Variants in ZNF438 observed in about 807,000 individuals in gnomAD.
ZNF438 encodes zinc finger protein 438.
In ZNF438, 25 loss-of-function variants were observed where a neutral mutation model predicts 38.0. That is an observed-to-expected ratio of 0.66 (90% CI 0.48 to 0.92). The LOEUF (loss-of-function observed/expected upper bound fraction) is 0.92, where lower values mean the gene tolerates loss of function less well. ZNF438 is among the 40% of genes least tolerant of loss of function. The pLI is 0.00. For missense variants in ZNF438, 1,007 were observed against 999.6 expected (o/e 1.01, Z -0.10); for synonymous variants, 372 against 364.1 (o/e 1.02, Z -0.25).
intron 3 of ZNF438, among the ~76,000 whole-genome samples, chr10:30,878,432 C>T (rs1256624133): frequency 1.3e-5 from 2 of 152,046 alleles, no homozygotes; most frequent in Non-Finnish European, 2.9e-5. Context: ...CCATCCCATC[C>T]CCCTTTCCAG....
At chr10:30,958,953 A>G (rs2049167002) in intron 1 of ZNF438, among the ~76,000 whole-genome samples, 1 of 146,918 alleles carries the variant, frequency 6.8e-6, no homozygotes, top group African/African-American at 2.4e-5. Flanking sequence ...TTGTTTATCC[A>G]TTTACCAGGT....
chr10:31,002,508 A>G (rs567791383), intron 1 of ZNF438, among the ~76,000 whole-genome samples: 1 of 152,310 alleles, frequency 6.6e-6, no homozygotes, highest in South Asian at 2.1e-4. Flanking sequence ...AATCCTTCAC[A>G]AATCTGAATA....
intron 1 of ZNF438, among the ~76,000 whole-genome samples, chr10:31,005,769 T>C (rs1020832179): frequency 3.3e-5 from 5 of 152,168 alleles, no homozygotes; most frequent in Non-Finnish European, 7.4e-5. Flanking sequence ...AATAAAAAAA[T>C]AGGTATTTAC....
In ZNF438 at chr10:30,961,194, A is replaced by C. The variant is rs2049429038; in HGVS notation, c.-191-19543T>G. Among the ~76,000 whole-genome samples the C allele has an allele frequency of 1.4e-5, 2 of 144,418 alleles. 1 individual carries two copies. The highest frequency in any genetic ancestry group is 3.1e-5 in the Non-Finnish European group (2 of 63,744). 94.7% of individuals were successfully genotyped at this position (144,418 alleles called of 152,430 possible). A position where few individuals can be genotyped will look rare whatever the true frequency, so the allele number is the denominator to read the frequency against. On this transcript the variant is annotated intron_variant, in intron 1 of 5. Coordinates refer to ENST00000413025, the Ensembl canonical transcript of ZNF438. ...TTTACATATGTATACATATGTAACT[A>C]ACCTGCACAATGCGCACATGTACCC...
chr10:30,928,960 C>T (rs1392548491), intron 2 of ZNF438, among the ~76,000 whole-genome samples: 10 of 152,168 alleles, frequency 6.6e-5, no homozygotes, highest in Admixed American at 6.5e-4. Flanking sequence ...TTTTGCCCTT[C>T]TGGTACTAAG....
chr10:30,979,297 T>C (rs2051814487), intron 1 of ZNF438, among the ~76,000 whole-genome samples: 1 of 152,218 alleles, frequency 6.6e-6, no homozygotes, highest in African/African-American at 2.4e-5. Context: ...TCCATGCTCA[T>C]GGATAGGAAG....
intron 4 of ZNF438, among the ~76,000 whole-genome samples, chr10:30,872,745 G>T (rs2037678051): frequency 2.1e-5 from 1 of 47,684 alleles, no homozygotes; most frequent in South Asian, 6.9e-4. Flanking sequence ...GTGAGACTCT[G>T]TCTCAAAAAA....
At chr10:30,902,357 T>C (rs2042110393) in intron 3 of ZNF438, among the ~76,000 whole-genome samples, 1 of 119,738 alleles carries the variant, frequency 8.4e-6, no homozygotes, top group African/African-American at 3.6e-5. Context: ...TGTCGATTGG[T>C]GTATTTACAA....
At chr10:30,918,419 A>G (rs1275911950) in intron 2 of ZNF438, among the ~76,000 whole-genome samples, 2 of 152,074 alleles carry the variant, frequency 1.3e-5, no homozygotes, top group Non-Finnish European at 2.9e-5. Context: ...ATTTATTTCT[A>G]TCTTTAATTT....
At chr10:30,903,277 A>G (rs560457574) in intron 3 of ZNF438, among the ~76,000 whole-genome samples, 1 of 152,344 alleles carries the variant, frequency 6.6e-6, no homozygotes, top group South Asian at 2.1e-4. Context: ...GGACTCCTCA[A>G]GCACGGCCAG....
intron 1 of ZNF438, among the ~76,000 whole-genome samples, chr10:31,002,068 T>A (rs1166589154): frequency 6.6e-6 from 1 of 152,218 alleles, no homozygotes; most frequent in Non-Finnish European, 1.5e-5. Flanking sequence ...GCACAGCATG[T>A]TCAGGGAAAG....
intron 1 of ZNF438, among the ~76,000 whole-genome samples, chr10:30,952,456 G>A (rs1460333132): frequency 6.6e-6 from 1 of 152,050 alleles, no homozygotes; most frequent in East Asian, 1.9e-4. Flanking sequence ...CCATCAGAGT[G>A]AACAGGCAAC....
chr10:30,874,101 GGGGTGT>G (rs1366666473), intron 4 of ZNF438, among the ~76,000 whole-genome samples: 151 of 15,074 alleles, frequency 0.01, 2 homozygotes, highest in African/African-American at 0.051. Context: ...TGGGTGTGTG[GGGGTGT>G]GTGTGTGTAT....
chr10:30,922,805 A>T (rs1279498529), intron 2 of ZNF438, among the ~76,000 whole-genome samples: 1 of 152,046 alleles, frequency 6.6e-6, no homozygotes, highest in Non-Finnish European at 1.5e-5. Context: ...ACTGCACTCC[A>T]GCCTGGGCAA....
chr10:30,942,811 T>C (rs776485448), intron 1 of ZNF438, among the ~76,000 whole-genome samples: 34 of 152,208 alleles, frequency 2.2e-4, no homozygotes, highest in Non-Finnish European at 2.4e-4. Context: ...ACTAAGTCAA[T>C]AGAACAGTTT....
chr10:30,895,536 A>T (rs2041215322), intron 3 of ZNF438, among the ~76,000 whole-genome samples: 1 of 152,222 alleles, frequency 6.6e-6, no homozygotes, highest in South Asian at 2.1e-4. Context: ...TAAAACTTCC[A>T]TGTATCAACA....
intron 2 of ZNF438, among the ~76,000 whole-genome samples, chr10:30,930,836 C>CAAAAAAAAAAAAAAAAAAAAAAAAAAAA (rs2045599179): frequency 1.7e-4 from 10 of 58,724 alleles, no homozygotes; most frequent in African/African-American, 5.7e-4. Flanking sequence ...AAAAAAAAAG[C>CAAAAAAAAAAAAAAAAAAAAAAAAAAAA]AAATGGTTCT....
At chr10:30,923,963 A>G (rs1337945993) in intron 2 of ZNF438, among the ~76,000 whole-genome samples, 1 of 152,236 alleles carries the variant, frequency 6.6e-6, no homozygotes, top group African/African-American at 2.4e-5. Flanking sequence ...CTTCTAATCC[A>G]TTAATGTCTT....
At chr10:30,887,939 T>C (rs1486762780) in intron 3 of ZNF438, among the ~76,000 whole-genome samples, 1 of 152,234 alleles carries the variant, frequency 6.6e-6, no homozygotes, top group South Asian at 2.1e-4. Flanking sequence ...AGACAGTAAC[T>C]ATTCACTTAT....
Sources: gnomAD v4.1 joint callset for allele counts (sites outside exome capture counted in the v4.1 genomes callset) on GRCh38, gnomAD v4.1.1 for gene constraint, MANE v1.5 for transcripts, NCBI Gene and HGNC (gene_info 2026-07-23, HGNC 2026-07-21) for gene names.